LRCH3: variants seen among roughly 807,000 people sequenced by gnomAD.
The protein encoded by LRCH3 is leucine rich repeats and calponin homology domain containing 3.
Under a neutral mutation model 104.5 loss-of-function variants are expected in LRCH3, and 68 were observed. The observed-to-expected ratio is 0.65, with a 90% CI of 0.54 to 0.80. The LOEUF is 0.80. Ranked by LOEUF, LRCH3 falls within the 30% of genes least tolerant of loss-of-function variation. The pLI is 0.00. For missense variants in LRCH3, 951 were observed against 953.9 expected (o/e 1.00, Z 0.04); for synonymous variants, 344 against 361.3 (o/e 0.95, Z 0.54).
At chr3:197,844,475 C>T (rs1738302932) in intron 10 of LRCH3, among the ~76,000 whole-genome samples, 4 of 151,744 alleles carry the variant, frequency 2.6e-5, no homozygotes, top group Non-Finnish European at 2.9e-5. Context: ...CATAAGCAGC[C>T]TTGATCTCCT....
intron 9 of LRCH3, among the ~76,000 whole-genome samples, chr3:197,838,879 T>G (rs891894899): frequency 2.6e-5 from 4 of 152,274 alleles, no homozygotes; most frequent in Middle Eastern, 3.4e-3. Flanking sequence ...GATGGATAAA[T>G]AAAGAAATGT....
intron 10 of LRCH3, among the ~76,000 whole-genome samples, chr3:197,840,502 A>G (rs572543291): frequency 1.3e-5 from 2 of 152,344 alleles, no homozygotes; most frequent in South Asian, 2.1e-4. Context: ...TTGATCGTTT[A>G]GAGCACTGCT....
intron 14 of LRCH3, among the ~76,000 whole-genome samples, chr3:197,858,097 G>A (rs903307182): frequency 5.3e-5 from 8 of 152,116 alleles, no homozygotes; most frequent in Non-Finnish European, 1.2e-4. Flanking sequence ...GGCTCTTTGT[G>A]AAAGTATTGT....
rs1560581409 is a variant in LRCH3, at chr3:197,852,617, T to G, written c.1587T>G (p.Gly529=). 4.3e-6 allele frequency: 7 copies of G among 1,613,776 alleles called. No homozygotes were observed. Among genetic ancestry groups the G allele is most frequent in the Middle Eastern group, 1.6e-4 (1 of 6,062 alleles). The stretch of plus-strand genomic sequence containing the variant: ...ACCCGCTCCTAGATGGCGTAGATGG[T>G]GAGGTAAGTTGATGTAATCTCCTTT... The part of the protein sequence containing the change: ...KQHPLLDGVD[G]ECPFPSRRSQ... The change falls in exon 13 of 21, where the codon GGT becomes GGG. Residue 529 remains glycine, a synonymous_variant. Coordinates refer to ENST00000425562, the MANE Select transcript of LRCH3 (RefSeq NM_001365715.1).
At chr3:197,808,774 C>T (rs968525691) in intron 1 of LRCH3, among the ~76,000 whole-genome samples, 2 of 152,020 alleles carry the variant, frequency 1.3e-5, no homozygotes, top group Non-Finnish European at 2.9e-5. Context: ...CATGGTGGCA[C>T]ATGCCTGTAG....
At chr3:197,808,378 T>G (rs1156809448) in intron 1 of LRCH3, among the ~76,000 whole-genome samples, 1 of 152,212 alleles carries the variant, frequency 6.6e-6, no homozygotes, top group African/African-American at 2.4e-5. Flanking sequence ...GGTATTTTAT[T>G]GTGGCAGCTC....
chr3:197,825,105 G>GT (rs1260914384), intron 4 of LRCH3, among the ~76,000 whole-genome samples: 5 of 152,192 alleles, frequency 3.3e-5, no homozygotes, highest in African/African-American at 1.2e-4. Flanking sequence ...ACTTTTAAGT[G>GT]TTTTTTCACT....
chr3:197,880,136 G>A lies in LRCH3; in HGVS notation c.2209-3405G>A, dbSNP rs1051772181. On this transcript the variant is annotated intron_variant, in intron 20 of 20. Transcript: ENST00000425562. Reference sequence around the variant, plus strand: ...AATTTTTTGTATTTTTAGTAAAGACGGGGTTTCACCGTGTTAGCCGGGATG... The same window carrying A: ...AATTTTTTGTATTTTTAGTAAAGACAGGGTTTCACCGTGTTAGCCGGGATG... 1.4e-4 allele frequency among the ~76,000 whole-genome samples: 21 copies of A among 151,120 alleles called. No homozygotes were observed. The East Asian group carries it at 1.9e-3, about 14-fold the overall frequency.
chr3:197,821,977 A>G (rs1172784791), intron 4 of LRCH3, among the ~76,000 whole-genome samples: 3 of 152,226 alleles, frequency 2.0e-5, no homozygotes, highest in Admixed American at 1.3e-4. Flanking sequence ...CCTGGCCACA[A>G]TACATGTTGA....
chr3:197,853,482 C>G (rs1204339300), intron 13 of LRCH3, among the ~76,000 whole-genome samples: 1 of 152,192 alleles, frequency 6.6e-6, no homozygotes, highest in Non-Finnish European at 1.5e-5. Flanking sequence ...AATTCCACTG[C>G]GCCTGACCCA....
Position 197,885,610 on chromosome 3 carries a change from CAAAAA to C in LRCH3, c.*1947_*1951del, listed in dbSNP as rs1001375854. On this transcript the variant is annotated 3_prime_UTR_variant, in exon 21 of 21. Coordinates refer to ENST00000425562, the MANE Select transcript of LRCH3 (RefSeq NM_001365715.1). ...GGGCAACAAAAGCGAAATTCCATCT[CAAAAA>C]AAGAAAACGCGCCCCATCTCGCTCC... 1 of 152,278 alleles carries C rather than the reference CAAAAA, an allele frequency of 6.6e-6. No homozygotes were observed. Among genetic ancestry groups the C allele is most frequent in the South Asian group, 2.1e-4 (1 of 4,816 alleles). The allele number at this position is 152,278 out of a possible 1,614,324, so 9.4% of individuals were successfully genotyped here. A position where few individuals can be genotyped will look rare whatever the true frequency, so the allele number is the denominator to read the frequency against.
rs1041611857 is a variant in LRCH3, at chr3:197,886,496, G to C, written c.*2830G>C. On this transcript the variant is annotated 3_prime_UTR_variant, in exon 21 of 21. Transcript: ENST00000425562. ...TATAACTTGTTTAGAATTTAGCCAT[G>C]TGCATTTTTAAACTGTGTTTGTCAA... 1.3e-5 allele frequency: 2 copies of C among 152,152 alleles called. No individual in the cohort carries two copies. The highest frequency in any genetic ancestry group is 2.9e-5 in the Non-Finnish European group (2 of 68,038). 9.4% of individuals were successfully genotyped at this position (152,152 alleles called of 1,614,324 possible).
intron 20 of LRCH3, among the ~76,000 whole-genome samples, chr3:197,878,424 C>T (rs995147145): frequency 6.6e-6 from 1 of 152,068 alleles, no homozygotes; most frequent in African/African-American, 2.4e-5. Context: ...CTGTTCCTAC[C>T]AGAGCTGTGC....
chr3:197,855,982 G>C (rs955742956), intron 14 of LRCH3, among the ~76,000 whole-genome samples: 1 of 152,156 alleles, frequency 6.6e-6, no homozygotes, highest in Non-Finnish European at 1.5e-5. Flanking sequence ...ACGTGGCCTC[G>C]AAGCTCCCTC....
Position 197,854,306 on chromosome 3 carries a change from C to G in LRCH3, c.1591-86C>G, listed in dbSNP as rs527296150. 12 of 1,137,428 alleles carry G rather than the reference C, an allele frequency of 1.1e-5. No individual in the cohort carries two copies. The South Asian group carries it at 1.5e-4, about 14-fold the overall frequency. The allele number at this position is 1,137,428 out of a possible 1,614,324, so 70.5% of individuals were successfully genotyped here. On this transcript the variant is annotated intron_variant, in intron 13 of 20. Coordinates refer to ENST00000425562, the MANE Select transcript of LRCH3 (RefSeq NM_001365715.1). The surrounding 1 kb of genome is among the most constrained non-coding windows in gnomAD (Gnocchi z 4.5). ...TTCAAAAGTATGTCTTAATATGTCT[C>G]TTCCCTTGTGTGTGTATTCGTGAAA...
intron 16 of LRCH3, 61 bp downstream of exon 16, chr3:197,865,532 A>T: frequency 9.2e-7 from 1 of 1,083,188 alleles, no homozygotes; most frequent in Non-Finnish European, 1.3e-6. Context: ...TTTTTTATTT[A>T]AAAAATAATA....
At chr3:197,859,773 CTT>C (rs199851982) in intron 15 of LRCH3, among the ~76,000 whole-genome samples, 3 of 144,666 alleles carry the variant, frequency 2.1e-5, no homozygotes, top group Admixed American at 7.0e-5. Context: ...TGTAAGAATC[CTT>C]TTTTTTTTTA....
chr3:197,881,048 G>C, intron 20 of LRCH3: 1 of 1,138,698 alleles, frequency 8.8e-7, no homozygotes, highest in South Asian at 2.4e-5. Context: ...ATGACATGTA[G>C]AGCTTTATTT....
chr3:197,881,337 A>G, intron 20 of LRCH3: 1 of 988,616 alleles, frequency 1.0e-6, no homozygotes, highest in South Asian at 4.6e-5. Context: ...GTTTGGTCAG[A>G]ATGTTCAGTT....
Sources: allele counts gnomAD v4.1 joint callset (sites outside exome capture counted in the v4.1 genomes callset), GRCh38; gene constraint gnomAD v4.1.1; non-coding constraint Gnocchi (gnomAD v3.1); transcripts MANE v1.5; gene names NCBI Gene and HGNC (gene_info 2026-07-23, HGNC 2026-07-21).